Variants in TENT5D observed in about 807,000 individuals in gnomAD.
TENT5D encodes the protein terminal nucleotidyltransferase 5D.
For synonymous variants in TENT5D, 103 were observed against 100.6 expected (o/e 1.02, Z -0.15); for missense variants, 191 against 287.0 (o/e 0.67, Z 2.42).
intron 3 of TENT5D, among the ~76,000 whole-genome samples, chrX:80,359,871 T>G (rs1464858479): frequency 1.8e-5 from 2 of 111,895 alleles, no homozygotes; most frequent in Non-Finnish European, 3.8e-5. Context: ...ACTGGGAGAT[T>G]ATAGAACTCT....
intron 1 of TENT5D, among the ~76,000 whole-genome samples, chrX:80,434,128 C>T (rs1932137034): frequency 2.3e-5 from 2 of 86,972 alleles, no homozygotes; most frequent in African/African-American, 8.4e-5. Context: ...CAGAGTGAGA[C>T]TCTGTCTCAA....
At chrX:80,341,869 G>A (rs1019163198) in intron 2 of TENT5D, among the ~76,000 whole-genome samples, 5 of 106,139 alleles carry the variant, frequency 4.7e-5, no homozygotes, top group Non-Finnish European at 9.7e-5. Context: ...CCGCTACCAC[G>A]CCCGGCTAAT....
intron 3 of TENT5D, among the ~76,000 whole-genome samples, chrX:80,384,082 G>A (rs1283675846): frequency 9.3e-6 from 1 of 108,089 alleles, no homozygotes; most frequent in Non-Finnish European, 1.9e-5. Context: ...TATGAGGCAA[G>A]CATCATCCTG....
intron 3 of TENT5D, among the ~76,000 whole-genome samples, chrX:80,387,891 T>G (rs984445273): frequency 2.1e-4 from 23 of 111,129 alleles, no homozygotes; most frequent in African/African-American, 7.2e-4. Flanking sequence ...GAAAACCACA[T>G]AAATATATTC....
intron 3 of TENT5D, among the ~76,000 whole-genome samples, chrX:80,342,860 T>C (rs1478797698): frequency 1.8e-5 from 2 of 111,914 alleles, no homozygotes; most frequent in Admixed American, 9.5e-5. Context: ...ATATTCTCTA[T>C]TATATGATTT....
intron 3 of TENT5D, among the ~76,000 whole-genome samples, chrX:80,399,030 G>A (rs1316144689): frequency 1.8e-5 from 2 of 111,652 alleles, no homozygotes; most frequent in Non-Finnish European, 1.9e-5. Flanking sequence ...CATATGTGTT[G>A]TTTGCAGATA....
intron 3 of TENT5D, among the ~76,000 whole-genome samples, chrX:80,377,700 G>T (rs1448804774): frequency 8.9e-6 from 1 of 111,933 alleles, no homozygotes; most frequent in Non-Finnish European, 1.9e-5. Flanking sequence ...AAACATACGT[G>T]TGCATGTGTC....
intron 3 of TENT5D, among the ~76,000 whole-genome samples, chrX:80,408,719 A>G (rs1279862482): frequency 9.0e-6 from 1 of 111,562 alleles, no homozygotes; most frequent in African/African-American, 3.3e-5. Context: ...ATCAATAGAA[A>G]AAGAGGGAAT....
At chrX:80,430,983 C>G (rs758336747) in intron 1 of TENT5D, among the ~76,000 whole-genome samples, 1 of 111,537 alleles carries the variant, frequency 9.0e-6, no homozygotes, top group African/African-American at 3.3e-5. Context: ...GGGCAAGACT[C>G]TTTAACAGAG....
chrX:80,397,705 T>A (rs1282842855), intron 3 of TENT5D, among the ~76,000 whole-genome samples: 1 of 112,474 alleles, frequency 8.9e-6, no homozygotes, highest in Non-Finnish European at 1.9e-5. Context: ...GGCTGGCGGA[T>A]CACTCGCGGT....
intron 3 of TENT5D, among the ~76,000 whole-genome samples, chrX:80,364,827 T>C (rs1444155468): frequency 9.0e-6 from 1 of 110,699 alleles, no homozygotes; most frequent in Non-Finnish European, 1.9e-5. Flanking sequence ...TTTTATTACT[T>C]TAAAAACATT....
intron 3 of TENT5D, among the ~76,000 whole-genome samples, chrX:80,389,414 G>A (rs1258417004): frequency 8.9e-6 from 1 of 112,080 alleles, no homozygotes; most frequent in Non-Finnish European, 1.9e-5. Flanking sequence ...GGAGTTCAGC[G>A]GAGGGTTTCA....
chrX:80,350,881 G>A (rs1388159409), intron 3 of TENT5D, among the ~76,000 whole-genome samples: 1 of 111,474 alleles, frequency 9.0e-6, no homozygotes, highest in Admixed American at 9.6e-5. Context: ...TGTCTGCAAA[G>A]GATTTTATTT....
chrX:80,337,989 T>A, intron 2 of TENT5D, among the ~76,000 whole-genome samples: 1 of 111,986 alleles, frequency 8.9e-6, no homozygotes, highest in Non-Finnish European at 1.9e-5. Context: ...AGTCTCAAAC[T>A]CCTGAGCTCA....
At chrX:80,338,466 A>G (rs866841976) in intron 2 of TENT5D, among the ~76,000 whole-genome samples, 1 of 112,456 alleles carries the variant, frequency 8.9e-6, no homozygotes, top group Non-Finnish European at 1.9e-5. Context: ...AGCAAAACTA[A>G]TGTGGAAAAT....
exon 3 of TENT5D, chrX:80,443,148 A>G (rs1411268076): frequency 8.3e-7 from 1 of 1,211,239 alleles, no homozygotes. Flanking sequence ...CTGTTGTGGT[A>G]GCTGAAAGCA....
chrX:80,354,803 T>A (rs1374192327), intron 3 of TENT5D, among the ~76,000 whole-genome samples: 2 of 111,386 alleles, frequency 1.8e-5, no homozygotes, highest in Non-Finnish European at 3.8e-5. Context: ...TTTGTTTTAG[T>A]TTGTTGTTGT....
chrX:80,346,024 A>G (rs940252878), intron 3 of TENT5D, among the ~76,000 whole-genome samples: 4 of 112,156 alleles, frequency 3.6e-5, no homozygotes, highest in East Asian at 5.6e-4. Context: ...AACCCTGTGT[A>G]TAGATCTGTT....
At chrX:80,442,882 G>T (rs781393813) in exon 3 of TENT5D, 2 of 1,211,023 alleles carry the variant, frequency 1.7e-6, no homozygotes, top group Non-Finnish European at 2.2e-6. Flanking sequence ...TTTACCAAAA[G>T]ATGTAAAGAA....
Sources: gnomAD v4.1 joint callset for allele counts (sites outside exome capture counted in the v4.1 genomes callset) on GRCh38, gnomAD v4.1.1 for gene constraint, MANE v1.5 for transcripts, NCBI Gene and HGNC (gene_info 2026-07-23, HGNC 2026-07-21) for gene names.